SPON1: variants seen among roughly 807,000 people sequenced by gnomAD.
SPON1 encodes the protein spondin 1, also known as spondin-1.
SPON1 carries 52 observed loss-of-function variants against 111.7 expected under a neutral mutation model. The ratio of observed to expected loss-of-function variants is 0.47; its 90% confidence interval spans 0.37 to 0.59. The LOEUF (loss-of-function observed/expected upper bound fraction) is 0.59, where lower values mean the gene tolerates loss of function less well. SPON1 is among the 20% of genes least tolerant of loss of function. The pLI is 0.00. For missense variants in SPON1, 957 were observed against 1,068.5 expected, an observed-to-expected ratio of 0.90 and a Z score of 1.46; for synonymous variants, 410 against 395.8, an observed-to-expected ratio of 1.04 and a Z score of -0.43.
intron 1 of SPON1, among the ~76,000 whole-genome samples, chr11:13,980,869 C>A (rs538206191): frequency 1.3e-5 from 2 of 152,226 alleles, no homozygotes; most frequent in East Asian, 3.9e-4. Flanking sequence ...CCCTAAGTTG[C>A]CCACTGGATG....
At chr11:14,116,861 T>G (rs993008674) in intron 5 of SPON1, among the ~76,000 whole-genome samples, 31 of 152,184 alleles carry the variant, frequency 2.0e-4, no homozygotes, top group African/African-American at 7.5e-4. Flanking sequence ...TTCCATTTAT[T>G]TAGTTTTACT....
At chr11:14,105,518 T>C (rs1849177802) in intron 5 of SPON1, among the ~76,000 whole-genome samples, 1 of 152,172 alleles carries the variant, frequency 6.6e-6, no homozygotes, top group African/African-American at 2.4e-5. Context: ...TTTATAAGTA[T>C]TTTCTAAATC....
At chr11:14,005,800 A>G (rs1446607892) in intron 2 of SPON1, among the ~76,000 whole-genome samples, 5 of 152,242 alleles carry the variant, frequency 3.3e-5, no homozygotes, top group African/African-American at 9.6e-5. Flanking sequence ...ACTTAGGGTC[A>G]TTCAATAGAA....
chr11:14,149,516 T>C (rs1220288631), intron 6 of SPON1, among the ~76,000 whole-genome samples: 5 of 152,172 alleles, frequency 3.3e-5, no homozygotes, highest in African/African-American at 1.2e-4. Flanking sequence ...AAATTTAGTG[T>C]AGCCTAAGTG....
At chr11:14,222,578 C>T (rs1384843995) in intron 6 of SPON1, among the ~76,000 whole-genome samples, 5 of 152,192 alleles carry the variant, frequency 3.3e-5, no homozygotes, top group African/African-American at 1.2e-4. Context: ...CATATAGCCA[C>T]TGCCCATGAA....
At chr11:14,104,400 G>T (rs1554924706) in intron 5 of SPON1, among the ~76,000 whole-genome samples, 1 of 151,186 alleles carries the variant, frequency 6.6e-6, no homozygotes, top group African/African-American at 2.4e-5. Flanking sequence ...TTTGGGTTTT[G>T]CTTATTTTAA....
chr11:14,013,086 C>G (rs1188571500), intron 2 of SPON1, among the ~76,000 whole-genome samples: 1 of 152,162 alleles, frequency 6.6e-6, no homozygotes, highest in Non-Finnish European at 1.5e-5. Flanking sequence ...GTTACTAAAT[C>G]ACTTTGCTTC....
chr11:14,000,096 T>A lies in SPON1; in HGVS notation c.345+17143T>A, dbSNP rs992712140. Among the ~76,000 whole-genome samples, 7 of 152,344 alleles carry A rather than the reference T, an allele frequency of 4.6e-5. No homozygotes were observed. In the East Asian group the frequency reaches 1.3e-3, roughly 29 times the overall value. On this transcript the variant is annotated intron_variant, in intron 2 of 15. Coordinates refer to ENST00000576479, the MANE Select transcript of SPON1 (RefSeq NM_006108.4). The stretch of plus-strand genomic sequence containing the variant: ...TCTCTCTAGCATTCCAAGGTTTTTC[T>A]ATGTTAGACATCTTTTATCCGCCAT...
intron 3 of SPON1, among the ~76,000 whole-genome samples, chr11:14,066,684 A>G (rs1210467011): frequency 1.3e-5 from 2 of 152,150 alleles, no homozygotes; most frequent in Non-Finnish European, 2.9e-5. Context: ...TTTCCTGTCA[A>G]ACTCCTACTC....
chr11:14,173,002 T>C (rs1171948558), intron 6 of SPON1, among the ~76,000 whole-genome samples: 1 of 151,904 alleles, frequency 6.6e-6, no homozygotes, highest in East Asian at 1.9e-4. Context: ...AGCATCTTTG[T>C]GGCGTTCTCT....
At chr11:14,163,847 G>C (rs12287225) in intron 6 of SPON1, among the ~76,000 whole-genome samples, 58,936 of 150,800 alleles carry the variant, frequency 0.39, 11,781 homozygotes, top group East Asian at 0.54. Flanking sequence ...TCCCTCCCCC[G>C]CTTTAGCAAC....
chr11:14,221,228 G>A (rs1274944683), intron 6 of SPON1, among the ~76,000 whole-genome samples: 1 of 152,108 alleles, frequency 6.6e-6, no homozygotes, highest in African/African-American at 2.4e-5. Context: ...AAGGAGAGAG[G>A]GTCAAGGCTT....
intron 5 of SPON1, among the ~76,000 whole-genome samples, chr11:14,116,067 G>A (rs73424124): frequency 0.011 from 1,694 of 152,116 alleles, 27 homozygotes; most frequent in African/African-American, 0.038. Context: ...TGTTTTGATC[G>A]TTTTTCTTTT....
intron 3 of SPON1, among the ~76,000 whole-genome samples, chr11:14,062,180 A>C (rs538534476): frequency 7.1e-4 from 108 of 152,290 alleles, no homozygotes; most frequent in Non-Finnish European, 1.4e-3. Context: ...AAAAGACAGA[A>C]TTCAAGCAGG....
At chr11:14,047,492 A>G (rs183173021) in intron 3 of SPON1, among the ~76,000 whole-genome samples, 7 of 152,326 alleles carry the variant, frequency 4.6e-5, no homozygotes, top group Admixed American at 3.3e-4. Flanking sequence ...GACTTTCAAA[A>G]CACTTTCAGC....
intron 2 of SPON1, among the ~76,000 whole-genome samples, chr11:14,040,832 G>T (rs1437337561): frequency 6.6e-6 from 1 of 152,002 alleles, no homozygotes; most frequent in Non-Finnish European, 1.5e-5. Flanking sequence ...TCTCCCAAAA[G>T]ATCCTTTCAG....
At chr11:14,263,517 CTAACCAGAAG>C (rs1478742606) in intron 15 of SPON1, among the ~76,000 whole-genome samples, 1 of 152,042 alleles carries the variant, frequency 6.6e-6, no homozygotes, top group Non-Finnish European at 1.5e-5. Flanking sequence ...TTTTGCAAGG[CTAACCAGAAG>C]TTTATCAGCA....
intron 14 of SPON1, among the ~76,000 whole-genome samples, chr11:14,261,720 A>G (rs1025327747): frequency 2.0e-5 from 3 of 152,186 alleles, no homozygotes; most frequent in African/African-American, 4.8e-5. Context: ...CCAGCTCACC[A>G]GAGTTGGGGC....
intron 2 of SPON1, among the ~76,000 whole-genome samples, chr11:14,012,879 A>T (rs1228974720): frequency 2.6e-5 from 4 of 152,204 alleles, no homozygotes; most frequent in African/African-American, 9.7e-5. Context: ...GAACAAAAGG[A>T]TGGCTACATT....
Sources: gnomAD v4.1 joint callset for allele counts (sites outside exome capture counted in the v4.1 genomes callset) on GRCh38, gnomAD v4.1.1 for gene constraint, MANE v1.5 for transcripts, NCBI Gene and HGNC (gene_info 2026-07-23, HGNC 2026-07-21) for gene names.